SH3BP1: variants seen among roughly 807,000 people sequenced by gnomAD.
SH3BP1 encodes SH3 domain-binding protein 1.
In SH3BP1, 46 loss-of-function variants were observed where a neutral mutation model predicts 69.8. That is an observed-to-expected ratio of 0.66 (90% CI 0.52 to 0.84). The LOEUF is 0.84. Among genes scored for constraint, SH3BP1 ranks in the 40% least tolerant of loss-of-function variants. SH3BP1 has a pLI of 0.00. For missense variants in SH3BP1, 868 were observed against 930.9 expected (o/e 0.93, Z 0.88); for synonymous variants, 403 against 378.0 (o/e 1.07, Z -0.77).
chr22:37,639,972 A>C, intron 1 of SH3BP1, 126 bp downstream of exon 1: 1 of 646,954 alleles, frequency 1.5e-6, no homozygotes, highest in Non-Finnish European at 2.5e-6. Flanking sequence ...GAGCGGCCAG[A>C]CTCCTGCTCT....
At chr22:37,653,696 C>T in intron 16 of SH3BP1, 83 bp from the exon 17 acceptor site, 1 of 909,164 alleles carries the variant, frequency 1.1e-6, no homozygotes, top group South Asian at 1.4e-5. Flanking sequence ...CCGGACTCCA[C>T]CTGGCAGCTG....
At chr22:37,654,490 G>A (rs1932960893) in intron 17 of SH3BP1, among the ~76,000 whole-genome samples, 2 of 151,950 alleles carry the variant, frequency 1.3e-5, no homozygotes, top group African/African-American at 4.8e-5. Flanking sequence ...AGAATCACTT[G>A]AACCCGGGAG....
At position 37,639,725 on chromosome 22, in the gene SH3BP1, AC is replaced by A. The variant is rs1199540455; in HGVS notation, c.-61del. 4 of 1,088,344 alleles carry A rather than the reference AC, an allele frequency of 3.7e-6. No individual in the cohort carries two copies. 67.4% of individuals were successfully genotyped at this position (1,088,344 alleles called of 1,614,324 possible). On this transcript the variant is annotated 5_prime_UTR_variant, in exon 1 of 18. Coordinates refer to ENST00000649765, the MANE Select transcript of SH3BP1 (RefSeq NM_018957.6). Reference sequence around the variant, plus strand: ...CCGCGCCGCAGGAGAGGCAGGCTGGACCGGGGGCTCCCCGGGCCCGCGACCC... The same window carrying A: ...CCGCGCCGCAGGAGAGGCAGGCTGGACGGGGGCTCCCCGGGCCCGCGACCC...
At position 37,643,056 on chromosome 22, in the gene SH3BP1, C is replaced by T. The variant is rs375924873; in HGVS notation, c.397-42C>T. 1,808 of 1,607,796 alleles carry T rather than the reference C, an allele frequency of 1.1e-3. 1 individual carries two copies. Among genetic ancestry groups the T allele is most frequent in the Non-Finnish European group, 1.4e-3 (1,704 of 1,175,948 alleles). ...CCCCAGCTTCCCCAGCTTCTGGCTC[C>T]CTCCTCCCCCAGCACACTGACCCCC... On this transcript the variant is annotated intron_variant, in intron 5 of 17. Transcript: ENST00000649765.
At chr22:37,649,615 C>G (rs1372461821) in intron 14 of SH3BP1, among the ~76,000 whole-genome samples, 1 of 152,110 alleles carries the variant, frequency 6.6e-6, no homozygotes, top group Non-Finnish European at 1.5e-5. Context: ...GAAACTCCGT[C>G]TCTACTAAAA....
At chr22:37,649,475 G>A (rs1391056191) in intron 14 of SH3BP1, among the ~76,000 whole-genome samples, 1 of 151,822 alleles carries the variant, frequency 6.6e-6, no homozygotes, top group East Asian at 1.9e-4. Context: ...GACACAATGA[G>A]ACCCTGTCTC....
rs749417785 is a variant in SH3BP1 at position 37,641,106 on chromosome 22, C to CT, written c.60-20_60-19insT. 4 of 1,330,590 alleles carry CT rather than the reference C, an allele frequency of 3.0e-6. No homozygotes were observed. The highest frequency in any genetic ancestry group is 5.0e-5 in the East Asian group (2 of 39,952). 82.4% of individuals were successfully genotyped at this position (1,330,590 alleles called of 1,614,324 possible). A position where few individuals can be genotyped will look rare whatever the true frequency, so the allele number is the denominator to read the frequency against. On this transcript the variant is annotated intron_variant, in intron 1 of 17. Coordinates refer to ENST00000649765, the MANE Select transcript of SH3BP1 (RefSeq NM_018957.6). ...GCTCAGCAGAAGCACTCTCCCCCCC[C>CT]CCCCCACCACTCCCCGCAGCACCCC...
chr22:37,653,839 G>A lies in SH3BP1; in HGVS notation c.1659G>A (p.Glu553=). The A allele has an allele frequency of 6.4e-7, 1 of 1,562,218 alleles. No homozygotes were observed. Among genetic ancestry groups the A allele is most frequent in the Non-Finnish European group, 8.7e-7 (1 of 1,149,188 alleles). Residue 553 remains glutamate, a synonymous_variant, in exon 17 of 18, where the codon GAG becomes GAA. Transcript: ENST00000649765. ...CCAAGGTCACCAGGAGTCCCCCGGA[G>A]ACAGCTGCCCCAGTGGAGGACATGG... ...ASPKVTRSPP[E]TAAPVEDMAR...
rs201693257 is a variant in SH3BP1 at position 37,641,106 on chromosome 22, C to T, written c.60-20C>T. ...GCTCAGCAGAAGCACTCTCCCCCCC[C>T]CCCCCACCACTCCCCGCAGCACCCC... On this transcript the variant is annotated intron_variant, in intron 1 of 17. Coordinates refer to ENST00000649765, the MANE Select transcript of SH3BP1 (RefSeq NM_018957.6). The T allele has an allele frequency of 3.4e-5, 45 of 1,330,498 alleles. 5 individuals carry two copies. Among genetic ancestry groups the T allele is most frequent in the East Asian group, 1.0e-4 (4 of 39,964 alleles). The allele number at this position is 1,330,498 out of a possible 1,614,324, so 82.4% of individuals were successfully genotyped here.
Position 37,644,657 on chromosome 22 carries a change from G to A in SH3BP1, c.639G>A (p.Leu213=), listed in dbSNP as rs148491884. The part of the protein sequence containing the change: ...EQCRDEYLAD[L]YHFVTKEDSY... Reference sequence around the variant, plus strand: ...CCAAGGACGAGTACTTGGCTGACCTGTACCACTTTGTTACCAAGGAGGACT... The same window carrying A: ...CCAAGGACGAGTACTTGGCTGACCTATACCACTTTGTTACCAAGGAGGACT... The change falls in exon 8 of 18, where the codon CTG becomes CTA. Residue 213 remains leucine (L), a synonymous_variant. Coordinates refer to ENST00000649765, the MANE Select transcript of SH3BP1 (RefSeq NM_018957.6). 4.7e-4 allele frequency: 753 copies of A among 1,614,086 alleles called. No homozygotes were observed. The highest frequency in any genetic ancestry group is 6.2e-4 in the Non-Finnish European group (731 of 1,180,038).
Position 37,648,313 on chromosome 22 carries a change from C to T in SH3BP1, c.1200-6C>T, listed in dbSNP as rs762959920. On this transcript the variant is annotated splice_region_variant and splice_polypyrimidine_tract_variant and intron_variant, in intron 13 of 17. Coordinates refer to ENST00000649765, the MANE Select transcript of SH3BP1 (RefSeq NM_018957.6). ...GCCCCTGGCCTAAGCCTGCCTCCGC[C>T]CTTAGGTACCTGATGAAGTTCCTGG... The T allele has an allele frequency of 2.5e-6, 4 of 1,577,832 alleles. No individual in the cohort carries two copies. The highest frequency in any genetic ancestry group is 1.2e-5 in the South Asian group (1 of 86,214).
chr22:37,644,240 G>A (rs967901281), intron 7 of SH3BP1, among the ~76,000 whole-genome samples: 32 of 152,188 alleles, frequency 2.1e-4, no homozygotes, highest in Admixed American at 6.5e-4. Flanking sequence ...TTAGCTGGGC[G>A]TAGTGGCGGG....
At chr22:37,646,966 G>A (rs576534226) in intron 11 of SH3BP1, 37 bp downstream of exon 11, 301 of 1,394,162 alleles carry the variant, frequency 2.2e-4, no homozygotes, top group Non-Finnish European at 2.7e-4. Flanking sequence ...GGAGGTTGGG[G>A]GGGAGGGGGT....
intron 16 of SH3BP1, among the ~76,000 whole-genome samples, chr22:37,652,808 A>G (rs1382823797): frequency 2.5e-5 from 3 of 122,356 alleles, no homozygotes; most frequent in African/African-American, 9.7e-5. Flanking sequence ...CTGAGCAACA[A>G]GAGTGAAACT....
At chr22:37,653,349 T>C (rs951638460) in intron 16 of SH3BP1, among the ~76,000 whole-genome samples, 17 of 151,818 alleles carry the variant, frequency 1.1e-4, no homozygotes, top group Non-Finnish European at 2.1e-4. Context: ...GGCAGGATAA[T>C]TGCTTGAACT....
Position 37,655,538 on chromosome 22 carries a change from C to T in SH3BP1, c.1960C>T (p.Pro654Ser). 6.3e-7 allele frequency: 1 copy of T among 1,592,110 alleles called. No individual in the cohort carries two copies. Among genetic ancestry groups the T allele is most frequent in the Admixed American group, 1.7e-5 (1 of 58,090 alleles). The change falls in exon 18 of 18, where the codon CCA becomes TCA. Residue 654 changes from proline to serine, a missense_variant. Pro to Ser is a moderately conservative substitution (Grantham distance 74). Around this residue, in one of 3 missense-constraint regions of SH3BP1, gnomAD observed 474 missense variants for 462.3 expected, o/e 1.03. Transcript: ENST00000649765. ...PASPGPASPSPVSLSNPAQVD... is the reference protein window; with the variant it reads ...PASPGPASPSSVSLSNPAQVD... The stretch of plus-strand genomic sequence containing the variant: ...CTCCCCAGGTCCAGCCTCCCCCAGC[C>T]CAGTCTCTTTGAGTAACCCTGCACA...
At position 37,655,616 on chromosome 22, in the gene SH3BP1, G is replaced by A. The variant is rs907087891; in HGVS notation, c.2038G>A (p.Gly680Arg). The A allele has an allele frequency of 6.4e-7, 1 of 1,565,648 alleles. No homozygotes were observed. Among genetic ancestry groups the A allele is most frequent in the Non-Finnish European group, 8.7e-7 (1 of 1,155,850 alleles). The change falls in exon 18 of 18, where the codon GGG becomes AGG. Residue 680 changes from glycine to arginine, a missense_variant. Gly to Arg is a moderately radical substitution (Grantham distance 125). Around this residue, in one of 3 missense-constraint regions of SH3BP1, gnomAD observed 474 missense variants for 462.3 expected, o/e 1.03. Transcript: ENST00000649765. The stretch of plus-strand genomic sequence containing the variant: ...GGGAGGAGCCCCTGAGGCTATCAGT[G>A]GGGTCCCCACTCCCCCAGCTATCCC... ...AEGGAPEAIS[G>R]VPTPPAIPPQ... is the part of the protein sequence containing the mutation.
At position 37,655,612 on chromosome 22, in the gene SH3BP1, C is replaced by T. The variant is rs1413467704; in HGVS notation, c.2034C>T (p.Ile678=). 2 of 1,569,570 alleles carry T rather than the reference C, an allele frequency of 1.3e-6. No individual in the cohort carries two copies. The highest frequency in any genetic ancestry group is 4.6e-5 in the East Asian group (2 of 43,926). The change falls in exon 18 of 18, where the codon ATC becomes ATT. Residue 678 remains isoleucine, a synonymous_variant. Coordinates refer to ENST00000649765, the MANE Select transcript of SH3BP1 (RefSeq NM_018957.6). ...CAGAGGGAGGAGCCCCTGAGGCTAT[C>T]AGTGGGGTCCCCACTCCCCCAGCTA... ...ATAEGGAPEA[I]SGVPTPPAIP...
chr22:37,640,653 C>T, intron 1 of SH3BP1: 1 of 176,696 alleles, frequency 5.7e-6, no homozygotes, highest in Non-Finnish European at 1.2e-5. Context: ...CCCATGTGTC[C>T]CCAGGTGGGG....
Sources: gnomAD v4.1 joint callset for allele counts (sites outside exome capture counted in the v4.1 genomes callset) on GRCh38, gnomAD v4.1.1 for gene constraint, gnomAD v4.1.1 regional missense constraint, MANE v1.5 for transcripts, NCBI Gene and HGNC (gene_info 2026-07-23, HGNC 2026-07-21) for gene names.